ANKRD13D: variants seen among roughly 807,000 people sequenced by gnomAD.
The protein encoded by ANKRD13D is ankyrin repeat domain-containing protein 13D.
Under a neutral mutation model 68.8 loss-of-function variants are expected in ANKRD13D, and 24 were observed. The observed-to-expected ratio is 0.35, with a 90% confidence interval of 0.25 to 0.49. The LOEUF (loss-of-function observed/expected upper bound fraction) is 0.49, where lower values mean the gene tolerates loss of function less well. ANKRD13D is among the 20% of genes least tolerant of loss of function. The probability of loss-of-function intolerance (pLI) is 0.99; values close to 1 mark genes in which losing one functional copy is unlikely to be tolerated. For missense variants in ANKRD13D, 735 were observed against 832.1 expected (o/e 0.88, Z 1.44); for synonymous variants, 331 against 336.1 (o/e 0.98, Z 0.16).
In ANKRD13D at chr11:67,301,518, C is replaced by G; in HGVS notation, c.1379C>G (p.Thr460Ser). Residue 460 changes from threonine to serine, a missense_variant, in exon 13 of 15, where the codon ACC (threonine) becomes AGC (serine). Thr to Ser is a moderately conservative substitution (Grantham distance 58, BLOSUM62 1). Coordinates refer to ENST00000511455, the MANE Select transcript of ANKRD13D (RefSeq NM_207354.3). This position sits in a 1 kb window ranked among gnomAD's most constrained non-coding sequence, Gnocchi z 4.5. Reference protein sequence around the residue: ...GNPFPCEVDPTVFEVPNGYSV... With the variant: ...GNPFPCEVDPSVFEVPNGYSV... ...CCTTTCCCGTGCGAGGTGGACCCCA[C>G]CGTGTTTGAAGTGCCCAACGGGTAC... 6.2e-7 allele frequency: 1 copy of G among 1,613,102 alleles called. No individual in the cohort carries two copies. The highest frequency in any genetic ancestry group is 1.6e-4 in the Middle Eastern group (1 of 6,062).
intron 3 of ANKRD13D, 22 bp downstream of exon 3, chr11:67,290,468 GA>G: frequency 3.2e-6 from 5 of 1,553,982 alleles, no homozygotes; most frequent in Non-Finnish European, 4.4e-6. Flanking sequence ...CACAGTTATG[GA>G]GGTGGGGTAC....
rs1026395220 is a variant in ANKRD13D at position 67,300,800 on chromosome 11, G to A, written c.1074-190G>A. The A allele has an allele frequency of 3.2e-5, 21 of 661,128 alleles. No homozygotes were observed. Among genetic ancestry groups the A allele is most frequent in the East Asian group, 3.1e-4 (11 of 35,690 alleles). 41.0% of individuals were successfully genotyped at this position (661,128 alleles called of 1,614,324 possible). On this transcript the variant is annotated intron_variant, in intron 10 of 14. Coordinates refer to ENST00000511455, the MANE Select transcript of ANKRD13D (RefSeq NM_207354.3). The surrounding 1 kb of genome is among the most constrained non-coding windows in gnomAD (Gnocchi z 4.3). The stretch of plus-strand genomic sequence containing the variant: ...AGGAGCCCCAGCCTGGGCCCAGGGA[G>A]GAGGGCAGCTTGGGCCACGTGGCCA...
In ANKRD13D at chr11:67,299,276, G is replaced by A; in HGVS notation, c.798+152G>A. The A allele has an allele frequency of 1.1e-6, 1 of 928,638 alleles. No individual in the cohort carries two copies. Among genetic ancestry groups the A allele is most frequent in the Non-Finnish European group, 1.7e-6 (1 of 601,696 alleles). The allele number at this position is 928,638 out of a possible 1,614,324, so 57.5% of individuals were successfully genotyped here. A position where few individuals can be genotyped will look rare whatever the true frequency, so the allele number is the denominator to read the frequency against. ...GGCCTGAGTGCCCAGCCCCTGCGGA[G>A]TACACAGGGCTCACCCACATCATGG... On this transcript the variant is annotated intron_variant, in intron 7 of 14. Transcript: ENST00000511455. The surrounding 1 kb of genome is among the most constrained non-coding windows in gnomAD (Gnocchi z 6.2).
rs1424417690 is a variant in ANKRD13D at position 67,302,297 on chromosome 11, C to G, written c.1783C>G (p.Gln595Glu). 8 of 1,554,902 alleles carry G rather than the reference C, an allele frequency of 5.1e-6. No individual in the cohort carries two copies. The highest frequency in any genetic ancestry group is 2.4e-5 in the South Asian group (2 of 84,434). Residue 595 changes from glutamine to glutamate, a missense_variant, in exon 15 of 15, where the codon CAG (glutamine) becomes GAG (glutamate). Transcript: ENST00000511455. ...RRGQQEEEDL[Q>E]RILQLSLTEH is the part of the protein sequence containing the mutation. ...CGGGCAGCAGGAGGAGGAGGACTTA[C>G]AGCGGATCCTGCAGCTGTCACTCAC...
intron 1 of ANKRD13D, 200 bp from the exon 2 acceptor site, chr11:67,289,878 C>T: frequency 7.0e-6 from 10 of 1,433,288 alleles, no homozygotes; most frequent in East Asian, 2.5e-5. Context: ...CAGGCCCCGC[C>T]GCCAGACCCC....
intron 1 of ANKRD13D, chr11:67,289,847 C>CAGGTT: frequency 7.0e-7 from 1 of 1,426,258 alleles, no homozygotes; most frequent in East Asian, 2.6e-5. Flanking sequence ...AAACTCCTGA[C>CAGGTT]AACCTGCAGC....
Position 67,300,938 on chromosome 11 carries a change from A to G in ANKRD13D, c.1074-52A>G, listed in dbSNP as rs1860955348. The G allele has an allele frequency of 6.2e-7, 1 of 1,603,424 alleles. No homozygotes were observed. On this transcript the variant is annotated intron_variant, in intron 10 of 14. Coordinates refer to ENST00000511455, the MANE Select transcript of ANKRD13D (RefSeq NM_207354.3). The surrounding 1 kb of genome is among the most constrained non-coding windows in gnomAD (Gnocchi z 4.3). ...CCCACGAACCAGAGGGCAGTCCTCA[A>G]TGGAAGGGCCACCAGCCGTGCCTCA...
chr11:67,290,364 A>T lies in ANKRD13D; in HGVS notation c.269A>T (p.Gln90Leu). 6.3e-7 allele frequency: 1 copy of T among 1,578,016 alleles called. No homozygotes were observed. The highest frequency in any genetic ancestry group is 8.6e-7 in the Non-Finnish European group (1 of 1,162,484). The change falls in exon 3 of 15, where the codon CAG (glutamine) becomes CTG (leucine). Residue 90 changes from glutamine to leucine, a missense_variant. Gln to Leu is a moderately radical substitution (Grantham distance 113, BLOSUM62 -2). Coordinates refer to ENST00000511455, the MANE Select transcript of ANKRD13D (RefSeq NM_207354.3). Reference protein sequence around the residue: ...AVSTGDPEMVQLVLQYRDYQR... With the variant: ...AVSTGDPEMVLLVLQYRDYQR... ...AGCACTGGAGACCCCGAGATGGTGC[A>T]GCTGGTGCTCCAGTATCGGGACTAC...
In ANKRD13D at chr11:67,290,071, C is replaced by T; in HGVS notation, c.91-7C>T. ...CCTGCCCTTTGTGAGTGTCCCGTCT[C>T]CCCCAGCACGACATTGAACAGGAGG... On this transcript the variant is annotated splice_region_variant and splice_polypyrimidine_tract_variant and intron_variant, in intron 1 of 14. Coordinates refer to ENST00000511455, the MANE Select transcript of ANKRD13D (RefSeq NM_207354.3). 2.6e-6 allele frequency: 4 copies of T among 1,536,458 alleles called. No individual in the cohort carries two copies. The highest frequency in any genetic ancestry group is 3.5e-6 in the Non-Finnish European group (4 of 1,146,444).
Position 67,289,562 on chromosome 11 carries a change from C to T in ANKRD13D, c.90+12C>T. ...TGCACAGCCACCAGGTGAGGCCCCG[C>T]TGGGGCACCCGGCCCTTCCCCCGGG... On this transcript the variant is annotated intron_variant, in intron 1 of 14. Coordinates refer to ENST00000511455, the MANE Select transcript of ANKRD13D (RefSeq NM_207354.3). The T allele has an allele frequency of 6.6e-7, 1 of 1,517,668 alleles. No homozygotes were observed. Among genetic ancestry groups the T allele is most frequent in the Non-Finnish European group, 8.8e-7 (1 of 1,141,360 alleles). 94.0% of individuals were successfully genotyped at this position (1,517,668 alleles called of 1,614,324 possible). A position where few individuals can be genotyped will look rare whatever the true frequency, so the allele number is the denominator to read the frequency against.
intron 6 of ANKRD13D, 110 bp from the exon 7 acceptor site, chr11:67,298,948 C>T (rs1860866233): frequency 8.7e-7 from 1 of 1,150,880 alleles, no homozygotes; most frequent in Non-Finnish European, 1.3e-6. Flanking sequence ...AGAAGGGGCC[C>T]TGAGAGTTGG....
chr11:67,289,579 TC>T, intron 1 of ANKRD13D, 29 bp downstream of exon 1: 4 of 1,480,698 alleles, frequency 2.7e-6, no homozygotes, highest in Admixed American at 2.3e-5. Flanking sequence ...ACCCGGCCCT[TC>T]CCCCGGGTCC....
Position 67,301,428 on chromosome 11 carries a change from C to T in ANKRD13D, c.1348+30C>T, listed in dbSNP as rs201240270. The T allele has an allele frequency of 1.1e-5, 18 of 1,607,608 alleles. No individual in the cohort carries two copies. Among genetic ancestry groups the T allele is most frequent in the Non-Finnish European group, 1.4e-5 (16 of 1,176,630 alleles). On this transcript the variant is annotated intron_variant, in intron 12 of 14. Coordinates refer to ENST00000511455, the MANE Select transcript of ANKRD13D (RefSeq NM_207354.3). The surrounding 1 kb of genome is among the most constrained non-coding windows in gnomAD (Gnocchi z 4.5). ...CCCAACGGGAGGAAGAGGGAGCCTG[C>T]ACAGCTTTCTGGTCACCAAGCCCCG...
At chr11:67,291,925 CCT>C in intron 5 of ANKRD13D, 64 bp from the exon 6 acceptor site, 1 of 1,526,602 alleles carries the variant, frequency 6.6e-7, no homozygotes, top group Non-Finnish European at 8.8e-7. Context: ...ACATGATCGC[CCT>C]CTCTGCACTG....
At chr11:67,292,622 T>A (rs72930762) in intron 6 of ANKRD13D, among the ~76,000 whole-genome samples, 4 of 144,558 alleles carry the variant, frequency 2.8e-5, no homozygotes, top group Non-Finnish European at 6.1e-5. Flanking sequence ...TGGAAACACT[T>A]AAAAAAAAAA....
At chr11:67,297,019 AT>A (rs2136529916) in intron 6 of ANKRD13D, among the ~76,000 whole-genome samples, 1 of 151,816 alleles carries the variant, frequency 6.6e-6, no homozygotes, top group East Asian at 1.9e-4. Flanking sequence ...GGTTTCATTA[AT>A]TTTCTCTATT....
chr11:67,290,089 A>T lies in ANKRD13D; in HGVS notation c.102A>T (p.Glu34Asp). ...AALHSHQHDI[E>D]QEDPRGRTPL... ...CCCGTCTCCCCCAGCACGACATTGA[A>T]CAGGAGGACCCCCGCGGGCGGACCC... is the stretch of plus-strand genomic sequence containing the variant. The change falls in exon 2 of 15, where the codon GAA becomes GAT. Residue 34 changes from glutamate (E) to aspartate (D), a missense_variant. Coordinates refer to ENST00000511455, the MANE Select transcript of ANKRD13D (RefSeq NM_207354.3). The T allele has an allele frequency of 6.5e-7, 1 of 1,537,022 alleles. No individual in the cohort carries two copies. The highest frequency in any genetic ancestry group is 8.7e-7 in the Non-Finnish European group (1 of 1,146,826).
Position 67,299,226 on chromosome 11 carries a change from C to A in ANKRD13D, c.798+102C>A, listed in dbSNP as rs1860878649. ...AGAGTAGCCCCTGGGCTCTGGAAACCCTGAGCATTTGTGGGAACTCAGCGG... is the reference window on the plus strand; with the variant it reads ...AGAGTAGCCCCTGGGCTCTGGAAACACTGAGCATTTGTGGGAACTCAGCGG... On this transcript the variant is annotated intron_variant, in intron 7 of 14. Transcript: ENST00000511455. This position sits in a 1 kb window ranked among gnomAD's most constrained non-coding sequence, Gnocchi z 6.2. 6.9e-7 allele frequency: 1 copy of A among 1,451,674 alleles called. No individual in the cohort carries two copies. Among genetic ancestry groups the A allele is most frequent in the Non-Finnish European group, 9.6e-7 (1 of 1,044,496 alleles). The allele number at this position is 1,451,674 out of a possible 1,614,324, so 89.9% of individuals were successfully genotyped here. A position where few individuals can be genotyped will look rare whatever the true frequency, so the allele number is the denominator to read the frequency against.
At chr11:67,289,590 C>T (rs1342321551) in intron 1 of ANKRD13D, 40 bp downstream of exon 1, 12 of 1,505,226 alleles carry the variant, frequency 8.0e-6, no homozygotes, top group Non-Finnish European at 1.1e-5. Context: ...CCCCCGGGTC[C>T]CCCACCCAAG....
Sources: gnomAD v4.1 joint callset for allele counts (sites outside exome capture counted in the v4.1 genomes callset) on GRCh38, gnomAD v4.1.1 for gene constraint, Gnocchi (gnomAD v3.1) non-coding constraint, MANE v1.5 for transcripts, NCBI Gene and HGNC (gene_info 2026-07-23, HGNC 2026-07-21) for gene names.